CHN2: variants seen among roughly 807,000 people sequenced by gnomAD.
CHN2 encodes the protein beta-chimaerin.
CHN2 carries 35 observed loss-of-function variants against 56.3 expected under a neutral mutation model. The observed-to-expected ratio is 0.62, with a 90% CI of 0.47 to 0.82. The LOEUF (loss-of-function observed/expected upper bound fraction) is 0.82, where lower values mean the gene tolerates loss of function less well. Ranked by LOEUF, CHN2 falls within the 40% of genes least tolerant of loss-of-function variation. CHN2 has a pLI of 0.00. For missense variants in CHN2, 491 were observed against 580.5 expected (o/e 0.85, Z 1.58); for synonymous variants, 210 against 212.8 (o/e 0.99, Z 0.12).
Position 29,205,868 on chromosome 7 carries a change from A to T in CHN2, c.49+10878A>T, listed in dbSNP as rs913882051. Among the ~76,000 whole-genome samples the T allele has an allele frequency of 7.2e-5, 11 of 152,318 alleles. 1 individual carries two copies. The South Asian group carries it at 8.3e-4, about 11-fold the overall frequency. ...GTAAGATGCAATATATACAAAAAAA[A>T]TCAGTAATAGCGTAGCCACATAATT... On this transcript the variant is annotated intron_variant, in intron 1 of 12. Coordinates refer to ENST00000222792, the MANE Select transcript of CHN2 (RefSeq NM_004067.4).
intron 7 of CHN2, among the ~76,000 whole-genome samples, chr7:29,485,515 GGTT>G (rs1031624265): frequency 4.4e-4 from 67 of 152,194 alleles, no homozygotes; most frequent in African/African-American, 1.4e-3. Context: ...GAGACAGTGT[GGTT>G]GTTCTCTCAG....
chr7:29,275,988 G>A (rs3828990), intron 1 of CHN2, among the ~76,000 whole-genome samples: 1 of 151,964 alleles, frequency 6.6e-6, no homozygotes, highest in East Asian at 1.9e-4. Context: ...TTCACTAGAA[G>A]CCCAAACCCC....
At chr7:29,488,447 CACTAG>C (rs1055237831) in intron 7 of CHN2, among the ~76,000 whole-genome samples, 3 of 152,142 alleles carry the variant, frequency 2.0e-5, no homozygotes, top group African/African-American at 7.2e-5. Context: ...CCTGGGCAAA[CACTAG>C]ACTAGACCTC....
chr7:29,218,815 A>AG (rs1400575549), intron 1 of CHN2, among the ~76,000 whole-genome samples: 1 of 112,600 alleles, frequency 8.9e-6, no homozygotes, highest in Non-Finnish European at 1.7e-5. Flanking sequence ...GGGTGGGGGG[A>AG]GAGGAGAGGG....
intron 2 of CHN2, among the ~76,000 whole-genome samples, chr7:29,153,991 T>A (rs556153776): frequency 4.8e-4 from 73 of 152,336 alleles, no homozygotes; most frequent in Non-Finnish European, 7.6e-4. Context: ...AGGCTTCTGG[T>A]CAACAGTAGG....
At chr7:29,493,295 T>G (rs921996889) in intron 7 of CHN2, among the ~76,000 whole-genome samples, 2 of 152,166 alleles carry the variant, frequency 1.3e-5, no homozygotes, top group Non-Finnish European at 2.9e-5. Context: ...CATCTAGGTT[T>G]GTGCAAGTAC....
chr7:29,184,283 T>C (rs1798446303), intron 2 of CHN2: 1 of 150,884 alleles, frequency 6.6e-6, no homozygotes, highest in Admixed American at 6.6e-5. Flanking sequence ...ATATATGATA[T>C]ATATATTTAG....
chr7:29,162,372 A>T (rs545087464), intron 2 of CHN2, among the ~76,000 whole-genome samples: 1 of 152,194 alleles, frequency 6.6e-6, no homozygotes, highest in Non-Finnish European at 1.5e-5. Flanking sequence ...TCTTAAGAAC[A>T]TTATGATGGC....
At chr7:29,386,573 G>A (rs945587247) in intron 3 of CHN2, among the ~76,000 whole-genome samples, 2 of 152,030 alleles carry the variant, frequency 1.3e-5, no homozygotes, top group African/African-American at 4.8e-5. Flanking sequence ...AGGAACTTGT[G>A]TTTATCTAGG....
At chr7:29,226,529 G>T (rs1225025042) in intron 1 of CHN2, among the ~76,000 whole-genome samples, 1 of 152,146 alleles carries the variant, frequency 6.6e-6, no homozygotes, top group Non-Finnish European at 1.5e-5. Context: ...GTAACCACCA[G>T]CATCAGTTTG....
At chr7:29,210,588 T>C (rs1199589601) in intron 1 of CHN2, among the ~76,000 whole-genome samples, 1 of 151,700 alleles carries the variant, frequency 6.6e-6, no homozygotes, top group African/African-American at 2.4e-5. Flanking sequence ...AGGAACTATA[T>C]ATAATTTGTA....
chr7:29,440,983 A>C (rs752723683), intron 6 of CHN2, among the ~76,000 whole-genome samples: 46 of 152,162 alleles, frequency 3.0e-4, no homozygotes, highest in Non-Finnish European at 6.2e-4. Context: ...ATGTTTTTTT[A>C]ATACAATGTG....
chr7:29,433,248 T>C (rs984618255), intron 6 of CHN2, among the ~76,000 whole-genome samples: 2 of 152,194 alleles, frequency 1.3e-5, no homozygotes, highest in African/African-American at 2.4e-5. Flanking sequence ...TTATGTTCTA[T>C]TGTGATAAGG....
chr7:29,493,960 C>T (rs968996350), intron 7 of CHN2, among the ~76,000 whole-genome samples: 1 of 152,324 alleles, frequency 6.6e-6, no homozygotes, highest in South Asian at 2.1e-4. Flanking sequence ...GCCTTTAAGG[C>T]CCTGTGTAAC....
chr7:29,294,363 G>A (rs1226474775), intron 1 of CHN2, among the ~76,000 whole-genome samples: 1 of 151,884 alleles, frequency 6.6e-6, no homozygotes, highest in Non-Finnish European at 1.5e-5. Context: ...TTTTCTTACA[G>A]TTACATGATT....
At chr7:29,310,885 C>A (rs2128885999) in intron 1 of CHN2, among the ~76,000 whole-genome samples, 1 of 152,226 alleles carries the variant, frequency 6.6e-6, no homozygotes, top group East Asian at 1.9e-4. Context: ...GTTAGGATTT[C>A]AACATAAGAA....
chr7:29,437,508 G>T (rs1783321450), intron 6 of CHN2, among the ~76,000 whole-genome samples: 1 of 98,462 alleles, frequency 1.0e-5, no homozygotes, highest in Admixed American at 9.3e-5. Flanking sequence ...TGAGGCAGGA[G>T]AATGGCATGA....
Position 29,400,526 on chromosome 7 carries a change from C to T in CHN2, c.291-17C>T. 2 of 1,612,062 alleles carry T rather than the reference C, an allele frequency of 1.2e-6. No individual in the cohort carries two copies. Among genetic ancestry groups the T allele is most frequent in the South Asian group, 1.1e-5 (1 of 90,908 alleles). On this transcript the variant is annotated splice_polypyrimidine_tract_variant and intron_variant, in intron 5 of 12. Transcript: ENST00000222792. ...TATTTCTAACGTGGTTGTAATCCCT[C>T]ATTCTCTCACGGGCAGGTTTGGAAA... is the stretch of plus-strand genomic sequence containing the variant.
chr7:29,484,499 C>T (rs1186317694), intron 7 of CHN2, among the ~76,000 whole-genome samples: 1 of 152,180 alleles, frequency 6.6e-6, no homozygotes, highest in Admixed American at 6.5e-5. Flanking sequence ...CAGTCCTTGG[C>T]GTTCTTTGTC....
Sources: allele counts gnomAD v4.1 joint callset (sites outside exome capture counted in the v4.1 genomes callset), GRCh38; gene constraint gnomAD v4.1.1; transcripts MANE v1.5; gene names NCBI Gene and HGNC (gene_info 2026-07-23, HGNC 2026-07-21).